SHISA6: variants seen among roughly 807,000 people sequenced by gnomAD.
SHISA6 encodes protein shisa-6.
SHISA6 carries 22 observed loss-of-function variants against 47.9 expected under a neutral mutation model. The ratio of observed to expected loss-of-function variants is 0.46; its 90% CI spans 0.33 to 0.66. The LOEUF (loss-of-function observed/expected upper bound fraction) is 0.66. SHISA6 is among the 30% of genes least tolerant of loss of function. The pLI is 0.02. For missense variants in SHISA6, 680 were observed against 764.6 expected (o/e 0.89, Z 1.30); for synonymous variants, 388 against 337.8 (o/e 1.15, Z -1.63).
intron 2 of SHISA6, among the ~76,000 whole-genome samples, chr17:11,306,731 C>G (rs11870120): frequency 0.013 from 2,025 of 152,314 alleles, 35 homozygotes; most frequent in African/African-American, 0.038. Flanking sequence ...CCACAGATGA[C>G]TTAATAGGCT....
At chr17:11,401,109 G>A (rs60513731) in intron 3 of SHISA6, among the ~76,000 whole-genome samples, 7,080 of 152,184 alleles carry the variant, frequency 0.047, 502 homozygotes, top group African/African-American at 0.15. Flanking sequence ...GCCTTACCTG[G>A]GAACTCTATA....
chr17:11,283,351 A>G (rs1001725343), intron 2 of SHISA6, among the ~76,000 whole-genome samples: 7 of 152,228 alleles, frequency 4.6e-5, no homozygotes, highest in Non-Finnish European at 1.0e-4. Context: ...GGTTTAAGCA[A>G]TTTGTCTACC....
intron 1 of SHISA6, among the ~76,000 whole-genome samples, chr17:11,243,884 A>G (rs529184236): frequency 3.2e-4 from 49 of 152,216 alleles, no homozygotes; most frequent in African/African-American, 1.2e-3. Flanking sequence ...TGTTCTCTGT[A>G]CTCAGGGAAA....
chr17:11,367,011 C>T (rs1167755274), intron 2 of SHISA6, among the ~76,000 whole-genome samples: 16 of 152,010 alleles, frequency 1.1e-4, no homozygotes, highest in Non-Finnish European at 1.8e-4. Flanking sequence ...ATAAGAAGAA[C>T]GGAAAGGAGA....
chr17:11,411,229 A>G (rs1453226068), intron 3 of SHISA6, among the ~76,000 whole-genome samples: 4 of 152,148 alleles, frequency 2.6e-5, no homozygotes, highest in South Asian at 2.1e-4. Flanking sequence ...CGGCCTCCCA[A>G]AGTGCTGGGA....
intron 3 of SHISA6, among the ~76,000 whole-genome samples, chr17:11,488,533 G>A (rs954955851): frequency 1.3e-5 from 2 of 152,110 alleles, no homozygotes; most frequent in Admixed American, 6.5e-5. Flanking sequence ...TTATGGCCTC[G>A]TTTTACTACA....
intron 3 of SHISA6, among the ~76,000 whole-genome samples, chr17:11,398,019 A>C (rs1597493158): frequency 6.6e-6 from 1 of 151,826 alleles, no homozygotes; most frequent in East Asian, 1.9e-4. Context: ...TTTCTGTTTT[A>C]AAACTTTTTT....
At chr17:11,294,383 C>T (rs1353258903) in intron 2 of SHISA6, among the ~76,000 whole-genome samples, 1 of 152,110 alleles carries the variant, frequency 6.6e-6, no homozygotes, top group Non-Finnish European at 1.5e-5. Context: ...CCCTAAGGCT[C>T]TGAGCAGTGT....
rs1365190314 is a variant in SHISA6, at chr17:11,315,706, A to C, written c.799+52180A>C. ...ACATATTTTGATTTTCCATTCTTGA[A>C]CTTTCCCTGCATTCCTAGAATTAAT... On this transcript the variant is annotated intron_variant, in intron 2 of 5. Transcript: ENST00000441885. Among the ~76,000 whole-genome samples the C allele has an allele frequency of 2.0e-5, 3 of 152,276 alleles. No homozygotes were observed. In the East Asian group the frequency reaches 5.8e-4, roughly 29 times the overall value.
At chr17:11,400,386 C>CTAAA (rs149525766) in intron 3 of SHISA6, among the ~76,000 whole-genome samples, 2,279 of 152,280 alleles carry the variant, frequency 0.015, 63 homozygotes, top group African/African-American at 0.052. Context: ...GTTGCTCAAG[C>CTAAA]TAAAACCTTG....
At chr17:11,354,509 A>C (rs146887671) in intron 2 of SHISA6, among the ~76,000 whole-genome samples, 1 of 152,290 alleles carries the variant, frequency 6.6e-6, no homozygotes, top group African/African-American at 2.4e-5. Flanking sequence ...CATTCTCCAC[A>C]TTCTCAGTTG....
At chr17:11,472,218 G>C (rs370534392) in intron 3 of SHISA6, among the ~76,000 whole-genome samples, 28 of 152,006 alleles carry the variant, frequency 1.8e-4, no homozygotes, top group Non-Finnish European at 3.1e-4. Flanking sequence ...TCTTTTACTT[G>C]GTAATATACA....
chr17:11,347,583 A>C (rs1229537497), intron 2 of SHISA6, among the ~76,000 whole-genome samples: 2 of 152,202 alleles, frequency 1.3e-5, no homozygotes, highest in African/African-American at 4.8e-5. Context: ...GGTGGCTTAG[A>C]AGTATTAAGC....
chr17:11,423,091 C>G (rs1031366189), intron 3 of SHISA6, among the ~76,000 whole-genome samples: 1 of 151,568 alleles, frequency 6.6e-6, no homozygotes, highest in South Asian at 2.1e-4. Flanking sequence ...ATGCCAATAA[C>G]CTACAGGATT....
intron 2 of SHISA6, among the ~76,000 whole-genome samples, chr17:11,361,020 T>A (rs1912258581): frequency 7.2e-6 from 1 of 138,064 alleles, no homozygotes; most frequent in African/African-American, 2.7e-5. Flanking sequence ...TCTCATTCCT[T>A]AAGTTTACTA....
chr17:11,389,538 C>T (rs927756974), intron 3 of SHISA6, among the ~76,000 whole-genome samples: 1 of 152,200 alleles, frequency 6.6e-6, no homozygotes, highest in Non-Finnish European at 1.5e-5. Flanking sequence ...GAAGGGGAGG[C>T]TCACGGGAAG....
At chr17:11,400,130 C>T (rs1430651154) in intron 3 of SHISA6, among the ~76,000 whole-genome samples, 1 of 152,184 alleles carries the variant, frequency 6.6e-6, no homozygotes, top group Non-Finnish European at 1.5e-5. Context: ...TCTTTCTTAA[C>T]ACTTTTCCTT....
chr17:11,263,546 C>T lies in SHISA6; in HGVS notation c.799+20C>T. ...CTCCAGGTAAGTAACAGCTGGGCAC[C>T]TTGATTCTTTGCTGAGGCTGGTGAG... On this transcript the variant is annotated intron_variant, in intron 2 of 5. Coordinates refer to ENST00000441885, the MANE Select transcript of SHISA6 (RefSeq NM_207386.4). 6.4e-7 allele frequency: 1 copy of T among 1,551,230 alleles called. No individual in the cohort carries two copies. The highest frequency in any genetic ancestry group is 2.4e-5 in the East Asian group (1 of 40,908).
rs1450976309 is a variant in SHISA6 at position 11,560,860 on chromosome 17, CT to C, written c.*2560del. ...GAAAATTCTACTGCAATGCTTACTTCTTTTCAAGGATTTCTTCTGCTTCACC... is the reference window on the plus strand; with the variant it reads ...GAAAATTCTACTGCAATGCTTACTTCTTTCAAGGATTTCTTCTGCTTCACC... On this transcript the variant is annotated 3_prime_UTR_variant, in exon 6 of 6. Coordinates refer to ENST00000441885, the MANE Select transcript of SHISA6 (RefSeq NM_207386.4). 1.6e-4 allele frequency: 22 copies of C among 141,266 alleles called. No individual in the cohort carries two copies. Among genetic ancestry groups the C allele is most frequent in the Non-Finnish European group, 3.2e-4 (21 of 64,968 alleles). 8.8% of individuals were successfully genotyped at this position (141,266 alleles called of 1,614,324 possible). A position where few individuals can be genotyped will look rare whatever the true frequency, so the allele number is the denominator to read the frequency against.
Sources: gnomAD v4.1 joint callset for allele counts (sites outside exome capture counted in the v4.1 genomes callset) on GRCh38, gnomAD v4.1.1 for gene constraint, MANE v1.5 for transcripts, NCBI Gene and HGNC (gene_info 2026-07-23, HGNC 2026-07-21) for gene names.